Variants in UBE3D observed in about 807,000 individuals in gnomAD.
UBE3D encodes the protein E3 ubiquitin-protein ligase E3D.
A neutral mutation model predicts 49.6 loss-of-function variants in UBE3D; 48 were observed. That is an observed-to-expected ratio of 0.97 (90% CI 0.77 to 1.23). The LOEUF (loss-of-function observed/expected upper bound fraction) is 1.23, where lower values mean the gene tolerates loss of function less well. Ranked by LOEUF, UBE3D falls within the 50% of genes most tolerant of loss-of-function variation. UBE3D has a pLI of 0.00. For synonymous variants in UBE3D, 189 were observed against 174.2 expected, an observed-to-expected ratio of 1.08 and a Z score of -0.67; for missense variants, 452 against 468.4, an observed-to-expected ratio of 0.96 and a Z score of 0.32.
chr6:82,950,456 G>C (rs1274411848), intron 9 of UBE3D, among the ~76,000 whole-genome samples: 1 of 152,020 alleles, frequency 6.6e-6, no homozygotes, highest in Admixed American at 6.6e-5. Flanking sequence ...CAGTTTGGAG[G>C]TTCCTCAAAA....
intron 8 of UBE3D, among the ~76,000 whole-genome samples, chr6:82,996,951 A>C (rs1779284597): frequency 6.6e-6 from 1 of 152,220 alleles, no homozygotes; most frequent in Admixed American, 6.5e-5. Flanking sequence ...CATAGTTAAT[A>C]GCAGTGCACC....
intron 1 of UBE3D, among the ~76,000 whole-genome samples, chr6:83,061,600 C>A (rs1055985601): frequency 1.8e-4 from 27 of 152,286 alleles, no homozygotes; most frequent in Middle Eastern, 3.4e-3. Context: ...TTTCGATGGT[C>A]CATAAGGCAC....
At chr6:82,972,249 G>A (rs1441767322) in intron 8 of UBE3D, among the ~76,000 whole-genome samples, 4 of 152,114 alleles carry the variant, frequency 2.6e-5, no homozygotes, top group Non-Finnish European at 5.9e-5. Flanking sequence ...CCCAGATACC[G>A]TTCTTTCACA....
At chr6:83,036,461 A>G (rs1273103979) in intron 5 of UBE3D, 4 of 151,760 alleles carry the variant, frequency 2.6e-5, no homozygotes, top group Non-Finnish European at 5.9e-5. Context: ...TATGGAAGCA[A>G]TATTAGTTTA....
intron 5 of UBE3D, among the ~76,000 whole-genome samples, chr6:83,035,484 T>C (rs1033778487): frequency 3.9e-5 from 6 of 152,230 alleles, no homozygotes; most frequent in Non-Finnish European, 7.3e-5. Context: ...CGACTGTGTA[T>C]AGAATTCTGG....
chr6:83,024,698 T>A (rs1268956745), intron 5 of UBE3D, among the ~76,000 whole-genome samples: 1 of 152,156 alleles, frequency 6.6e-6, no homozygotes, highest in Non-Finnish European at 1.5e-5. Flanking sequence ...TTTTGGGTCT[T>A]CTAGAATTGG....
the UBE3D span, among the ~76,000 whole-genome samples, chr6:82,886,836 T>C: frequency 6.6e-6 from 1 of 152,222 alleles, no homozygotes; most frequent in African/African-American, 2.4e-5. Flanking sequence ...CTTCTTGACA[T>C]CATCACTTTT....
At chr6:83,061,307 G>A (rs140890452) in intron 1 of UBE3D, among the ~76,000 whole-genome samples, 3 of 152,306 alleles carry the variant, frequency 2.0e-5, no homozygotes, top group Non-Finnish European at 4.4e-5. Flanking sequence ...GAAATGCAAT[G>A]CCTTATTCTG....
intron 9 of UBE3D, among the ~76,000 whole-genome samples, chr6:82,897,373 C>A (rs771046695): frequency 6.5e-4 from 98 of 151,916 alleles, no homozygotes; most frequent in Non-Finnish European, 1.1e-3. Context: ...GGTGGATCAC[C>A]TGAGGTCAGG....
rs190421792 is a variant in UBE3D, at chr6:83,008,481, C to T, written c.1010+10492G>A. Among the ~76,000 whole-genome samples the T allele has an allele frequency of 3.9e-5, 6 of 152,178 alleles. No individual in the cohort carries two copies. In the East Asian group the frequency reaches 5.8e-4, roughly 15 times the overall value. ...CGCTGTTGCTCACCAAGATGTGAAA[C>T]GCTGGCTGAAGTGGGCAGGAGGGGA... On this transcript the variant is annotated intron_variant, in intron 8 of 9. Transcript: ENST00000369747.
At chr6:83,057,789 A>C in intron 2 of UBE3D, 37 bp downstream of exon 2, 1 of 1,601,536 alleles carries the variant, frequency 6.2e-7, no homozygotes, top group South Asian at 1.1e-5. Flanking sequence ...TATAACAAAA[A>C]GGTAAATACA....
intron 3 of UBE3D, chr6:83,049,719 A>T (rs1783334081): frequency 2.1e-6 from 1 of 470,464 alleles, no homozygotes; most frequent in Admixed American, 2.4e-5. Flanking sequence ...CAGTGCAGGG[A>T]GAACAGGGCG....
intron 9 of UBE3D, among the ~76,000 whole-genome samples, chr6:82,905,811 A>C (rs1160289309): frequency 1.3e-5 from 2 of 152,166 alleles, no homozygotes; most frequent in African/African-American, 2.4e-5. Flanking sequence ...TCTGTAGTGT[A>C]CTTAACTGGT....
intron 3 of UBE3D, among the ~76,000 whole-genome samples, chr6:83,045,263 G>A (rs1272579052): frequency 2.0e-5 from 3 of 152,152 alleles, no homozygotes; most frequent in Non-Finnish European, 2.9e-5. Context: ...GAAAGGCTGT[G>A]CCAATCTATA....
intron 9 of UBE3D, among the ~76,000 whole-genome samples, chr6:82,897,657 A>G (rs1192205657): frequency 1.3e-5 from 2 of 152,128 alleles, no homozygotes; most frequent in Non-Finnish European, 2.9e-5. Context: ...AATTTCCTTT[A>G]CAAACATACA....
At chr6:82,924,170 TA>T (rs1773573204) in intron 9 of UBE3D, among the ~76,000 whole-genome samples, 1 of 151,934 alleles carries the variant, frequency 6.6e-6, no homozygotes, top group Non-Finnish European at 1.5e-5. Context: ...TCTAACTTAT[TA>T]AAAAATATTT....
chr6:83,065,516 G>C (rs949617078), intron 1 of UBE3D, 126 bp downstream of exon 1: 1 of 849,664 alleles, frequency 1.2e-6, no homozygotes, highest in African/African-American at 1.7e-5. Context: ...TTGAGTGATC[G>C]AGAGGCTCTA....
intron 5 of UBE3D, among the ~76,000 whole-genome samples, chr6:83,034,383 C>A (rs188918048): frequency 5.9e-5 from 9 of 152,254 alleles, no homozygotes; most frequent in African/African-American, 2.2e-4. Flanking sequence ...CTTCTTCCTG[C>A]AGTGAATAAC....
At chr6:82,888,306 T>C (rs1375745065), downstream of UBE3D, among the ~76,000 whole-genome samples, 1 of 151,068 alleles carries the variant, frequency 6.6e-6, no homozygotes, top group East Asian at 1.9e-4. Context: ...GATTTAGGTT[T>C]TTTTTTTTTA....
Sources: allele counts gnomAD v4.1 joint callset (sites outside exome capture counted in the v4.1 genomes callset), GRCh38; gene constraint gnomAD v4.1.1; transcripts MANE v1.5; gene names NCBI Gene and HGNC (gene_info 2026-07-23, HGNC 2026-07-21).